Variants in NTM observed in about 807,000 individuals in gnomAD.
NTM encodes neurotrimin.
In NTM, 13 loss-of-function variants were observed where a neutral mutation model predicts 42.1. The ratio of observed to expected loss-of-function variants is 0.31; its 90% CI spans 0.20 to 0.49. The LOEUF (loss-of-function observed/expected upper bound fraction) is 0.49. NTM is among the 20% of genes least tolerant of loss of function. NTM has a pLI of 0.99. For missense variants in NTM, 373 were observed against 452.8 expected (o/e 0.82, Z 1.60); for synonymous variants, 187 against 179.2 (o/e 1.04, Z -0.35).
intron 2 of NTM, among the ~76,000 whole-genome samples, chr11:131,915,112 C>T (rs2056074166): frequency 6.6e-6 from 1 of 152,178 alleles, no homozygotes; most frequent in South Asian, 2.1e-4. Context: ...AACATTTACT[C>T]CTCACACCTC....
chr11:132,099,796 T>G (rs1373566850), intron 2 of NTM, among the ~76,000 whole-genome samples: 1 of 152,154 alleles, frequency 6.6e-6, no homozygotes, highest in Non-Finnish European at 1.5e-5. Context: ...GTCAGGTGCT[T>G]TCTCACATAA....
chr11:132,098,262 G>A (rs2061252161), intron 2 of NTM, among the ~76,000 whole-genome samples: 1 of 116,984 alleles, frequency 8.5e-6, no homozygotes, highest in Non-Finnish European at 1.8e-5. Context: ...TGCTGTGCTT[G>A]ATGTAATTAG....
chr11:131,458,224 G>A (rs1473963393), intron 1 of NTM, among the ~76,000 whole-genome samples: 1 of 152,202 alleles, frequency 6.6e-6, no homozygotes, highest in East Asian at 1.9e-4. Context: ...ATGCAGGAGA[G>A]CAATCAACAG....
chr11:131,724,071 G>A (rs561142081), intron 1 of NTM, among the ~76,000 whole-genome samples: 1 of 152,310 alleles, frequency 6.6e-6, no homozygotes, highest in South Asian at 2.1e-4. Context: ...TCAGAGGAGG[G>A]AGGGACAACA....
chr11:132,196,499 A>G (rs1195790785), intron 3 of NTM, among the ~76,000 whole-genome samples: 7 of 152,214 alleles, frequency 4.6e-5, no homozygotes, highest in East Asian at 3.9e-4. Context: ...TCATATGTTT[A>G]TTGCGGCACT....
At chr11:132,073,326 G>A (rs1025518532) in intron 2 of NTM, among the ~76,000 whole-genome samples, 1 of 152,176 alleles carries the variant, frequency 6.6e-6, no homozygotes, top group Non-Finnish European at 1.5e-5. Context: ...GAGCAGAGGT[G>A]CCTAGTTATC....
chr11:131,554,991 T>C (rs536317622), intron 1 of NTM, among the ~76,000 whole-genome samples: 51 of 152,302 alleles, frequency 3.3e-4, no homozygotes, highest in African/African-American at 1.1e-3. Flanking sequence ...AAAAAAGCTA[T>C]ACACTTTCTA....
chr11:131,786,058 A>G (rs917827133), intron 1 of NTM, among the ~76,000 whole-genome samples: 3 of 152,212 alleles, frequency 2.0e-5, no homozygotes, highest in African/African-American at 7.2e-5. Context: ...AGGTGGAGAC[A>G]GCAGGGTTTC....
intron 4 of NTM, among the ~76,000 whole-genome samples, chr11:132,270,977 C>T (rs1450959738): frequency 6.6e-6 from 1 of 152,130 alleles, no homozygotes; most frequent in Admixed American, 6.5e-5. Context: ...AAAAGTTATA[C>T]AACTACCCGT....
At chr11:131,631,626 C>T (rs911216699) in intron 1 of NTM, among the ~76,000 whole-genome samples, 1 of 152,160 alleles carries the variant, frequency 6.6e-6, no homozygotes, top group Non-Finnish European at 1.5e-5. Context: ...ATTATTTTTC[C>T]ATTGGCATTC....
At chr11:131,791,630 A>T (rs1356227253) in intron 1 of NTM, among the ~76,000 whole-genome samples, 1 of 152,204 alleles carries the variant, frequency 6.6e-6, no homozygotes, top group East Asian at 1.9e-4. Context: ...AGTTTAGAAG[A>T]CTTTTGCAAG....
At chr11:132,310,892 C>A (rs1390995426) in intron 6 of NTM, among the ~76,000 whole-genome samples, 1 of 152,122 alleles carries the variant, frequency 6.6e-6, no homozygotes, top group Non-Finnish European at 1.5e-5. Flanking sequence ...CTCAGTACAG[C>A]CAGGCACCAT....
intron 3 of NTM, among the ~76,000 whole-genome samples, chr11:132,173,372 G>A (rs192064596): frequency 3.0e-4 from 46 of 152,240 alleles, no homozygotes; most frequent in African/African-American, 9.4e-4. Context: ...TGGGGTCTCC[G>A]GAATTCTGTT....
intron 3 of NTM, among the ~76,000 whole-genome samples, chr11:132,169,369 T>C (rs2075809025): frequency 8.2e-6 from 1 of 122,440 alleles, no homozygotes; most frequent in African/African-American, 3.1e-5. Flanking sequence ...GGAGTCTCAC[T>C]CTGTCACCCA....
At chr11:131,873,551 TATATATATACCGTATATATATAC>T (rs1296104770) in intron 1 of NTM, among the ~76,000 whole-genome samples, 3,062 of 52,000 alleles carry the variant, frequency 0.059, 439 homozygotes, top group African/African-American at 0.12. Context: ...TATATATACA[TATATATATACCGTATATATATAC>T]ATATATATAT....
At chr11:131,559,552 A>G (rs1426439278) in intron 1 of NTM, among the ~76,000 whole-genome samples, 5 of 152,338 alleles carry the variant, frequency 3.3e-5, no homozygotes, top group African/African-American at 1.2e-4. Flanking sequence ...TAGAGGCAAA[A>G]CACATAAAAT....
intron 1 of NTM, among the ~76,000 whole-genome samples, chr11:131,606,884 G>T (rs2061011899): frequency 6.6e-6 from 1 of 152,202 alleles, no homozygotes; most frequent in Admixed American, 6.5e-5. Flanking sequence ...CATGTGGCTG[G>T]CTAAATAGAC....
intron 4 of NTM, among the ~76,000 whole-genome samples, chr11:132,286,520 C>T (rs888479559): frequency 1.3e-5 from 2 of 152,108 alleles, no homozygotes; most frequent in Admixed American, 1.3e-4. Context: ...CTGTCCGCCC[C>T]CCCCACCCAA....
At chr11:131,688,085 C>T (rs1474493146) in intron 1 of NTM, among the ~76,000 whole-genome samples, 1 of 152,228 alleles carries the variant, frequency 6.6e-6, no homozygotes, top group Non-Finnish European at 1.5e-5. Flanking sequence ...GGGTGCGACG[C>T]GCGCTGCCAG....
Sources: allele counts gnomAD v4.1 joint callset (sites outside exome capture counted in the v4.1 genomes callset), GRCh38; gene constraint gnomAD v4.1.1; transcripts MANE v1.5; gene names NCBI Gene and HGNC (gene_info 2026-07-23, HGNC 2026-07-21).